The following GRID2 variants were observed in gnomAD, a reference collection of about 807,000 sequenced individuals.
GRID2 encodes glutamate receptor ionotropic, delta-2.
Under a neutral mutation model 114.8 loss-of-function variants are expected in GRID2, and 33 were observed. The ratio of observed to expected loss-of-function variants is 0.29; its 90% CI spans 0.22 to 0.38. GRID2 has a LOEUF of 0.38. GRID2 is among the 10% of genes least tolerant of loss of function. The pLI is 1.00. For synonymous variants in GRID2, 505 were observed against 449.9 expected (o/e 1.12, Z -1.55); for missense variants, 1,184 against 1,257.7 (o/e 0.94, Z 0.89).
At position 93,570,206 on chromosome 4, in the gene GRID2, T is replaced by C. The variant is rs116230409; in HGVS notation, c.2193+54795T>C. Among the ~76,000 whole-genome samples the C allele has an allele frequency of 3.5e-3, 531 of 152,268 alleles. 5 individuals carry two copies. Among genetic ancestry groups the C allele is most frequent in the African/African-American group, 0.012 (505 of 41,566 alleles). ...TCACACAAGGTCACTCAGTAGCCAG[T>C]GGTGGAGCTGGGACTCAGCTGAGCT... On this transcript the variant is annotated intron_variant, in intron 13 of 15. Transcript: ENST00000282020.
rs192275830 is a variant in GRID2 at position 93,284,732 on chromosome 4, A to G, written c.1245+46242A>G. Among the ~76,000 whole-genome samples, 38 of 152,008 alleles carry G rather than the reference A, an allele frequency of 2.5e-4. No individual in the cohort carries two copies. In the East Asian group the frequency reaches 7.1e-3, roughly 29 times the overall value. On this transcript the variant is annotated intron_variant, in intron 8 of 15. Coordinates refer to ENST00000282020, the MANE Select transcript of GRID2 (RefSeq NM_001510.4). ...TGGTGACAGAATGTATACATTATAT[A>G]GAGGAAAAATATAATTAATTTGTAT... is the stretch of plus-strand genomic sequence containing the variant.
chr4:92,931,313 G>A lies in GRID2; in HGVS notation c.245-153682G>A, dbSNP rs999354198. ...ATTTATGTTTTAAAAAGGTAAGACT[G>A]GAAGAGAACTTCCACACTTTTCTGA... On this transcript the variant is annotated intron_variant, in intron 2 of 15. Transcript: ENST00000282020. 9.3e-5 allele frequency among the ~76,000 whole-genome samples: 14 copies of A among 150,590 alleles called. No individual in the cohort carries two copies. The Admixed American group carries it at 9.3e-4, about 10-fold the overall frequency.
chr4:92,801,376 A>G (rs1041951082), intron 2 of GRID2, among the ~76,000 whole-genome samples: 2 of 151,944 alleles, frequency 1.3e-5, no homozygotes, highest in African/African-American at 4.8e-5. Flanking sequence ...TATGCAAGTA[A>G]TTTATTTCTA....
chr4:93,787,352 T>C (rs140024228), intron 1 of GRID2, among the ~76,000 whole-genome samples: 125 of 152,152 alleles, frequency 8.2e-4, no homozygotes, highest in African/African-American at 2.9e-3. Flanking sequence ...AGGCCAATAG[T>C]AGTAGAAATG....
chr4:92,530,686 A>T (rs1314034067), intron 1 of GRID2, among the ~76,000 whole-genome samples: 2 of 150,852 alleles, frequency 1.3e-5, no homozygotes, highest in East Asian at 3.9e-4. Flanking sequence ...CAGATCACGA[A>T]GTCAGGAGCT....
At chr4:93,025,288 G>A (rs1723779568) in intron 2 of GRID2, among the ~76,000 whole-genome samples, 1 of 151,740 alleles carries the variant, frequency 6.6e-6, no homozygotes, top group Non-Finnish European at 1.5e-5. Flanking sequence ...ATTTCAGACA[G>A]ATGTATCATG....
At chr4:92,420,226 A>T (rs1226996367) in intron 1 of GRID2, among the ~76,000 whole-genome samples, 2 of 152,166 alleles carry the variant, frequency 1.3e-5, no homozygotes, top group Non-Finnish European at 2.9e-5. Flanking sequence ...CTAAACTATA[A>T]TATAAACTTA....
intron 2 of GRID2, among the ~76,000 whole-genome samples, chr4:92,703,280 CA>C: frequency 6.6e-6 from 1 of 152,186 alleles, no homozygotes; most frequent in South Asian, 2.1e-4. Context: ...CCTGCCCCTG[CA>C]AATCAAGGCC....
intron 13 of GRID2, among the ~76,000 whole-genome samples, chr4:93,581,069 A>G (rs1376250444): frequency 4.0e-5 from 6 of 151,660 alleles, no homozygotes; most frequent in African/African-American, 1.2e-4. Context: ...TGCATTAGGT[A>G]TTTCTCCTCA....
At chr4:92,917,516 C>G (rs1050182241) in intron 2 of GRID2, among the ~76,000 whole-genome samples, 1 of 152,096 alleles carries the variant, frequency 6.6e-6, no homozygotes, top group Non-Finnish European at 1.5e-5. Flanking sequence ...AGTCTTTAAT[C>G]GATCTTGAAT....
intron 8 of GRID2, among the ~76,000 whole-genome samples, chr4:93,294,370 T>A (rs1037985223): frequency 6.6e-6 from 1 of 152,136 alleles, no homozygotes; most frequent in Non-Finnish European, 1.5e-5. Context: ...AGCAGAAGAA[T>A]GTTGTAATTT....
At chr4:92,596,071 T>C (rs1384430608) in intron 2 of GRID2, among the ~76,000 whole-genome samples, 1 of 152,172 alleles carries the variant, frequency 6.6e-6, no homozygotes, top group Non-Finnish European at 1.5e-5. Context: ...TACTACAGTA[T>C]GTGTACCCCA....
rs373222120 is a variant in GRID2 at position 93,029,099 on chromosome 4, G to A, written c.245-55896G>A. Among the ~76,000 whole-genome samples, 387 of 152,102 alleles carry A rather than the reference G, an allele frequency of 2.5e-3. 5 individuals carry two copies. The highest frequency in any genetic ancestry group is 9.0e-3 in the African/African-American group (373 of 41,524). On this transcript the variant is annotated intron_variant, in intron 2 of 15. Transcript: ENST00000282020. Reference sequence around the variant, plus strand: ...GAGTTCCCATTACATGGAGAGGGAAGCATTTTTAGATTATTAAAATGAGGC... The same window carrying A: ...GAGTTCCCATTACATGGAGAGGGAAACATTTTTAGATTATTAAAATGAGGC...
chr4:93,775,896 T>C (rs959093543), downstream of GRID2, among the ~76,000 whole-genome samples: 2 of 152,236 alleles, frequency 1.3e-5, no homozygotes, highest in African/African-American at 2.4e-5. Context: ...ACTGAATAAA[T>C]ACTTTTAAAA....
intron 14 of GRID2, among the ~76,000 whole-genome samples, chr4:93,679,034 T>C (rs568463508): frequency 6.0e-5 from 9 of 151,010 alleles, no homozygotes; most frequent in African/African-American, 2.0e-4. Context: ...AGGAAACCCA[T>C]CACACATGCA....
At chr4:92,784,289 A>T (rs143220166) in intron 2 of GRID2, among the ~76,000 whole-genome samples, 463 of 152,080 alleles carry the variant, frequency 3.0e-3, no homozygotes, top group African/African-American at 0.011. Context: ...TTTTTAATGC[A>T]TGTCCATTTT....
Position 92,431,227 on chromosome 4 carries a change from A to G in GRID2, c.88+126483A>G, listed in dbSNP as rs149589189. ...TTAGATTTTTCTCATTCAATTTGAT[A>G]CTAGCTGTGGATTTGTCATATATGG... On this transcript the variant is annotated intron_variant, in intron 1 of 15. Coordinates refer to ENST00000282020, the MANE Select transcript of GRID2 (RefSeq NM_001510.4). 5.1e-3 allele frequency among the ~76,000 whole-genome samples: 771 copies of G among 152,252 alleles called. 4 individuals carry two copies. The highest frequency in any genetic ancestry group is 9.1e-3 in the Non-Finnish European group (616 of 67,992).
chr4:93,422,118 T>C (rs1768348811), intron 9 of GRID2, among the ~76,000 whole-genome samples: 1 of 151,996 alleles, frequency 6.6e-6, no homozygotes, highest in African/African-American at 2.4e-5. Context: ...AAGACAAAAA[T>C]GGGAAAAGAT....
At chr4:92,498,608 CTTAA>C (rs1723513224) in intron 1 of GRID2, among the ~76,000 whole-genome samples, 2 of 151,684 alleles carry the variant, frequency 1.3e-5, no homozygotes, top group African/African-American at 4.8e-5. Flanking sequence ...AATTAACTTT[CTTAA>C]TGAATGGACT....
Sources: allele counts gnomAD v4.1 joint callset (sites outside exome capture counted in the v4.1 genomes callset), GRCh38; gene constraint gnomAD v4.1.1; transcripts MANE v1.5; gene names NCBI Gene and HGNC (gene_info 2026-07-23, HGNC 2026-07-21).